The following QPRT variants were observed in gnomAD, a reference collection of about 807,000 sequenced individuals.
The protein encoded by QPRT is nicotinate-nucleotide pyrophosphorylase [carboxylating].
QPRT carries 17 observed loss-of-function variants against 19.8 expected under a neutral mutation model. The observed-to-expected ratio is 0.86, with a 90% CI of 0.59 to 1.29. QPRT has a LOEUF of 1.29. QPRT is among the 50% of genes most tolerant of loss of function. QPRT has a pLI of 0.00. For synonymous variants in QPRT, 178 were observed against 191.0 expected, an observed-to-expected ratio of 0.93 and a Z score of 0.56; for missense variants, 336 against 405.1, an observed-to-expected ratio of 0.83 and a Z score of 1.46.
intron 1 of QPRT, among the ~76,000 whole-genome samples, chr16:29,681,791 C>T (rs1202531547): frequency 2.0e-5 from 3 of 148,100 alleles, no homozygotes; most frequent in East Asian, 2.0e-4. Context: ...GGCAGGATCT[C>T]GGCTCACTGC....
At chr16:29,692,925 G>C (rs183982844) in intron 1 of QPRT, among the ~76,000 whole-genome samples, 144 of 152,128 alleles carry the variant, frequency 9.5e-4, no homozygotes, top group African/African-American at 3.2e-3. Context: ...GCCGGGTATG[G>C]TGGCAGGCGC....
intron 1 of QPRT, among the ~76,000 whole-genome samples, chr16:29,680,307 A>G (rs1249178076): frequency 6.6e-6 from 1 of 152,100 alleles, no homozygotes; most frequent in African/African-American, 2.4e-5. Context: ...AGTGGGTTTT[A>G]CAAGGAGCCA....
rs374875385 is a variant in QPRT, at chr16:29,697,229, G to T, written c.712G>T (p.Ala238Ser). ...ELHPTATVLK[A>S]QFPSVAVEAS... ...GCACCCCACGGCCACCGTGCTGAAG[G>T]CCCAGTTCCCGAGTGTGGCTGTGGA... Residue 238 changes from alanine (A) to serine (S), a missense_variant, in exon 4 of 4, where the codon GCC becomes TCC. Transcript: ENST00000395384. This position sits in a 1 kb window ranked among gnomAD's most constrained non-coding sequence, Gnocchi z 4.4. 1 of 1,613,436 alleles carries T rather than the reference G, an allele frequency of 6.2e-7. No individual in the cohort carries two copies.
At chr16:29,693,461 G>T (rs1967414123) in intron 1 of QPRT, among the ~76,000 whole-genome samples, 1 of 151,976 alleles carries the variant, frequency 6.6e-6, no homozygotes, top group South Asian at 2.1e-4. Context: ...GTTTTGCCAT[G>T]TTGGCCAGGC....
At chr16:29,685,379 G>T (rs1967131320) in intron 1 of QPRT, among the ~76,000 whole-genome samples, 1 of 152,132 alleles carries the variant, frequency 6.6e-6, no homozygotes, top group South Asian at 2.1e-4. Flanking sequence ...GCTGAGGCGG[G>T]AGAACCACTT....
chr16:29,683,815 A>G (rs990363215), intron 1 of QPRT, among the ~76,000 whole-genome samples: 1 of 152,070 alleles, frequency 6.6e-6, no homozygotes, highest in Non-Finnish European at 1.5e-5. Context: ...GCTCCCTGTG[A>G]TTCTGGTGTG....
In QPRT at chr16:29,694,740, C is replaced by A; in HGVS notation, c.90C>A (p.Leu30=). ...DSWLREDCPG[L]NYAALVSGAG... The stretch of plus-strand genomic sequence containing the variant: ...GGCTCCGAGAGGACTGCCCAGGGCT[C>A]AACTACGCAGCCTTGGTCAGCGGGG... The change falls in exon 2 of 4, where the codon CTC becomes CTA. Residue 30 remains leucine (L), a synonymous_variant. Transcript: ENST00000395384. 6.2e-7 allele frequency: 1 copy of A among 1,607,104 alleles called. No individual in the cohort carries two copies. Among genetic ancestry groups the A allele is most frequent in the Non-Finnish European group, 8.5e-7 (1 of 1,176,180 alleles).
intron 1 of QPRT, among the ~76,000 whole-genome samples, chr16:29,692,838 G>A (rs565931743): frequency 1.8e-4 from 28 of 152,258 alleles, no homozygotes; most frequent in African/African-American, 6.7e-4. Context: ...GGAGGCGGGC[G>A]AATCACGAGG....
intron 1 of QPRT, among the ~76,000 whole-genome samples, chr16:29,689,114 A>G (rs1344938292): frequency 7.0e-6 from 1 of 143,146 alleles, no homozygotes; most frequent in Admixed American, 7.2e-5. Context: ...TTTTTTTTTG[A>G]GACCGAATTG....
intron 1 of QPRT, among the ~76,000 whole-genome samples, chr16:29,690,458 C>T (rs557036325): frequency 6.6e-6 from 1 of 152,122 alleles, no homozygotes; most frequent in South Asian, 2.1e-4. Flanking sequence ...GATGGTTTAA[C>T]TAATTTACAC....
intron 1 of QPRT, among the ~76,000 whole-genome samples, chr16:29,694,149 T>C (rs1967438866): frequency 6.6e-6 from 1 of 150,854 alleles, no homozygotes; most frequent in African/African-American, 2.4e-5. Flanking sequence ...GACGGAGTCT[T>C]ACTCTGTCAC....
chr16:29,694,987 G>A lies in QPRT; in HGVS notation c.337G>A (p.Gly113Ser). ...VALNTLARCS[G>S]IASAAAAAVE... ...CCTCAACACGCTGGCCCGCTGCAGT[G>A]GCATTGCCAGTGCTGCCGCCGCTGC... Residue 113 changes from glycine to serine, a missense_variant, in exon 2 of 4, where the codon GGC becomes AGC. Coordinates refer to ENST00000395384, the MANE Select transcript of QPRT (RefSeq NM_014298.6). 6.2e-7 allele frequency: 1 copy of A among 1,606,626 alleles called. No individual in the cohort carries two copies. The highest frequency in any genetic ancestry group is 8.5e-7 in the Non-Finnish European group (1 of 1,179,066).
intron 1 of QPRT, among the ~76,000 whole-genome samples, chr16:29,692,303 G>A (rs1967367765): frequency 1.3e-5 from 2 of 151,928 alleles, no homozygotes; most frequent in African/African-American, 2.4e-5. Context: ...GGTACTGGCC[G>A]GGCGCGGTGG....
At chr16:29,688,871 C>T (rs573251344) in intron 1 of QPRT, among the ~76,000 whole-genome samples, 3 of 151,534 alleles carry the variant, frequency 2.0e-5, no homozygotes, top group African/African-American at 7.3e-5. Context: ...ACCTCTGCCT[C>T]CTGGGTTCAA....
chr16:29,679,422 C>T (rs2142292196), intron 1 of QPRT, among the ~76,000 whole-genome samples: 1 of 152,180 alleles, frequency 6.6e-6, no homozygotes, highest in South Asian at 2.1e-4. Context: ...GTGTTGAGTC[C>T]CCAAGGAGCT....
At position 29,681,493 on chromosome 16, in the gene QPRT, C is replaced by CTTTTTTT. The variant is rs10680462; in HGVS notation, c.13+2298_13+2304dup. On this transcript the variant is annotated intron_variant, in intron 1 of 3. Transcript: ENST00000395384. ...CCATAATTTTCATCAGATCCAGATT[C>CTTTTTTT]TTTTTTTTTTTTTTTTTTTTTGAGA... is the stretch of plus-strand genomic sequence containing the variant. 2.0e-3 allele frequency among the ~76,000 whole-genome samples: 199 copies of CTTTTTTT among 97,128 alleles called. 5 individuals carry two copies. The highest frequency in any genetic ancestry group is 7.9e-3 in the Middle Eastern group (1 of 126). 63.7% of individuals were successfully genotyped at this position (97,128 alleles called of 152,430 possible).
At chr16:29,686,374 G>A (rs775631507) in intron 1 of QPRT, among the ~76,000 whole-genome samples, 1 of 152,066 alleles carries the variant, frequency 6.6e-6, no homozygotes, top group Non-Finnish European at 1.5e-5. Context: ...ATCACTCACC[G>A]GTCCTCAGAG....
chr16:29,688,077 A>T (rs187884739), intron 1 of QPRT, among the ~76,000 whole-genome samples: 8 of 152,206 alleles, frequency 5.3e-5, no homozygotes, highest in African/African-American at 1.9e-4. Flanking sequence ...AATAGCAAAA[A>T]CATATTGCAT....
At position 29,697,071 on chromosome 16, in the gene QPRT, G is replaced by A. The variant is rs147793931; in HGVS notation, c.625G>A (p.Val209Met). 3.2e-5 allele frequency: 52 copies of A among 1,611,566 alleles called. No individual in the cohort carries two copies. Among genetic ancestry groups the A allele is most frequent in the African/African-American group, 5.3e-5 (4 of 74,910 alleles). The change falls in exon 3 of 4, where the codon GTG becomes ATG. Residue 209 changes from valine (V) to methionine (M), a missense_variant. Physicochemically the swap from Val to Met is conservative, Grantham distance 21. Transcript: ENST00000395384. This position sits in a 1 kb window ranked among gnomAD's most constrained non-coding sequence, Gnocchi z 4.4. The part of the protein sequence containing the change: ...EVECSSLQEA[V>M]QAAEAGADLV... Reference sequence around the variant, plus strand: ...GGAATGCAGCAGCCTGCAGGAGGCCGTGCAGGCAGCTGAGGCTGGTGCCGA... The same window carrying A: ...GGAATGCAGCAGCCTGCAGGAGGCCATGCAGGCAGCTGAGGCTGGTGCCGA...
Sources: allele counts gnomAD v4.1 joint callset (sites outside exome capture counted in the v4.1 genomes callset), GRCh38; gene constraint gnomAD v4.1.1; non-coding constraint Gnocchi (gnomAD v3.1); transcripts MANE v1.5; gene names NCBI Gene and HGNC (gene_info 2026-07-23, HGNC 2026-07-21).